UNC45B: variants seen among roughly 807,000 people sequenced by gnomAD.
UNC45B encodes the protein protein unc-45 homolog B.
Under a neutral mutation model 98.7 loss-of-function variants are expected in UNC45B, and 78 were observed. The ratio of observed to expected loss-of-function variants is 0.79; its 90% confidence interval spans 0.66 to 0.95. UNC45B has a LOEUF of 0.95. UNC45B is among the 40% of genes least tolerant of loss of function. The pLI, the probability that UNC45B is intolerant of heterozygous loss-of-function variation, is 0.00. For synonymous variants in UNC45B, 462 were observed against 480.4 expected, an observed-to-expected ratio of 0.96 and a Z score of 0.50; for missense variants, 1,225 against 1,184.9, an observed-to-expected ratio of 1.03 and a Z score of -0.50.
At chr17:35,160,665 T>C (rs1268108186) in intron 8 of UNC45B, among the ~76,000 whole-genome samples, 1 of 152,164 alleles carries the variant, frequency 6.6e-6, no homozygotes, top group Non-Finnish European at 1.5e-5. Flanking sequence ...CTCAAACTCC[T>C]GGATTCAAGT....
intron 8 of UNC45B, among the ~76,000 whole-genome samples, chr17:35,162,307 C>T (rs956341368): frequency 2.0e-5 from 3 of 152,038 alleles, no homozygotes; most frequent in South Asian, 2.1e-4. Flanking sequence ...TGTGCTAACC[C>T]CAAGTGGTTA....
At position 35,150,092 on chromosome 17, in the gene UNC45B, T is replaced by A. The variant is rs759382685; in HGVS notation, c.250T>A (p.Cys84Ser). ...SSDIKALYRR[C>S]QALEHLGKLD... is the part of the protein sequence containing the mutation. Reference sequence around the variant, plus strand: ...GGACATCAAGGCTCTGTATCGGCGATGCCAGGCACTGGAGCACCTGGGGAA... The same window carrying A: ...GGACATCAAGGCTCTGTATCGGCGAAGCCAGGCACTGGAGCACCTGGGGAA... The change falls in exon 4 of 20, where the codon TGC becomes AGC. Residue 84 changes from cysteine to serine, a missense_variant. Transcript: ENST00000394570. 6.2e-7 allele frequency: 1 copy of A among 1,613,182 alleles called. No homozygotes were observed. Among genetic ancestry groups the A allele is most frequent in the East Asian group, 2.2e-5 (1 of 44,782 alleles).
intron 18 of UNC45B, among the ~76,000 whole-genome samples, chr17:35,181,235 T>C (rs2092271561): frequency 6.6e-6 from 1 of 152,250 alleles, no homozygotes; most frequent in African/African-American, 2.4e-5. Context: ...GTAGGCTTCA[T>C]GGTCCAGTCA....
rs760993725 is a variant in UNC45B, at chr17:35,171,348, G to C, written c.1716G>C (p.Ser572=). Residue 572 remains serine (S), a synonymous_variant, in exon 13 of 20, where the codon TCG becomes TCC. Transcript: ENST00000394570. ...AKTSDKTILY[S]VATTLVNCTN... ...CCAGTGACAAGACCATCCTGTACTC[G>C]GTGGCCACCACCCTGGTGAACTGCA... The C allele has an allele frequency of 4.3e-6, 7 of 1,614,098 alleles. No individual in the cohort carries two copies. Among genetic ancestry groups the C allele is most frequent in the Admixed American group, 1.7e-5 (1 of 60,008 alleles).
chr17:35,185,699 C>A (rs991321464), intron 19 of UNC45B, among the ~76,000 whole-genome samples: 1 of 152,074 alleles, frequency 6.6e-6, no homozygotes, highest in African/African-American at 2.4e-5. Context: ...TAAGCTCTTT[C>A]CATGTATCAT....
chr17:35,177,050 G>A lies in UNC45B; in HGVS notation c.2059G>A (p.Val687Met). 1 of 1,614,218 alleles carries A rather than the reference G, an allele frequency of 6.2e-7. No homozygotes were observed. The highest frequency in any genetic ancestry group is 8.5e-7 in the Non-Finnish European group (1 of 1,180,026). ...TCCCCTGGCTTTGGAGGGCACAGAT[G>A]TGGGCAAGGTGAAGGCAGCCCACGC... The part of the protein sequence containing the change: ...LIPLALEGTD[V>M]GKVKAAHALA... The change falls in exon 16 of 20, where the codon GTG (valine) becomes ATG (methionine). Residue 687 changes from valine (V) to methionine (M), a missense_variant. Coordinates refer to ENST00000394570, the MANE Select transcript of UNC45B (RefSeq NM_001267052.2).
At position 35,153,066 on chromosome 17, in the gene UNC45B, G is replaced by C. The variant is rs759139741; in HGVS notation, c.471+84G>C. The stretch of plus-strand genomic sequence containing the variant: ...ATCATTCCGAGGGGGAAGGGGGACC[G>C]GAGGCCTGTCTTTGCAGCCCAGGAA... On this transcript the variant is annotated intron_variant, in intron 5 of 19. Transcript: ENST00000394570. 5.7e-6 allele frequency: 7 copies of C among 1,218,774 alleles called. No individual in the cohort carries two copies. The African/African-American group carries it at 9.0e-5, about 16-fold the overall frequency. The allele number at this position is 1,218,774 out of a possible 1,614,324, so 75.5% of individuals were successfully genotyped here.
rs1458780453 is a variant in UNC45B at position 35,154,590 on chromosome 17, T to C, written c.488T>C (p.Ile163Thr). 1 of 1,612,544 alleles carries C rather than the reference T, an allele frequency of 6.2e-7. No individual in the cohort carries two copies. The highest frequency in any genetic ancestry group is 8.5e-7 in the Non-Finnish European group (1 of 1,179,448). ...DKREKAANNL[I>T]VLGREEAGAE... ...CTCCTTCAGGCTGCCAACAATCTCA[T>C]TGTCCTAGGCCGTGAGGAAGCAGGG... The change falls in exon 6 of 20, where the codon ATT becomes ACT. Residue 163 changes from isoleucine (I) to threonine (T), a missense_variant. Ile to Thr is a moderately conservative substitution (Grantham distance 89). Transcript: ENST00000394570.
chr17:35,179,723 G>A (rs9898427), intron 17 of UNC45B, among the ~76,000 whole-genome samples: 5,344 of 152,088 alleles, frequency 0.035, 337 homozygotes, highest in African/African-American at 0.12. Context: ...GACACAGGGC[G>A]GGGAACATCA....
chr17:35,159,686 G>A, intron 8 of UNC45B, 141 bp downstream of exon 8: 1 of 953,038 alleles, frequency 1.0e-6, no homozygotes, highest in African/African-American at 1.6e-5. Flanking sequence ...TGGCCCATCA[G>A]GATCCACCAG....
At chr17:35,156,052 G>A (rs1049971516) in intron 7 of UNC45B, among the ~76,000 whole-genome samples, 17 of 152,038 alleles carry the variant, frequency 1.1e-4, no homozygotes, top group Admixed American at 6.6e-4. Context: ...ATGCAACAAC[G>A]TCAATGAACA....
chr17:35,174,765 AATG>A (rs539602078), intron 14 of UNC45B, among the ~76,000 whole-genome samples: 45 of 152,104 alleles, frequency 3.0e-4, no homozygotes, highest in African/African-American at 1.0e-3. Context: ...GGCTGCAGTG[AATG>A]ATGATGGTGC....
rs2092306853 is a variant in UNC45B at position 35,186,732 on chromosome 17, CAG to C, written c.*176_*177del. On this transcript the variant is annotated 3_prime_UTR_variant, in exon 20 of 20. Transcript: ENST00000394570. ...TTGTGAGTCTTCTCCTTTGTCCTGA[CAG>C]AGTTTGGATGTTTCACTCTCTCTCT... 2 of 692,504 alleles carry C rather than the reference CAG, an allele frequency of 2.9e-6. No individual in the cohort carries two copies. The highest frequency in any genetic ancestry group is 1.8e-5 in the African/African-American group (1 of 55,560). The allele number at this position is 692,504 out of a possible 1,614,324, so 42.9% of individuals were successfully genotyped here. A position where few individuals can be genotyped will look rare whatever the true frequency, so the allele number is the denominator to read the frequency against.
At chr17:35,165,031 C>T (rs984838655) in intron 9 of UNC45B, among the ~76,000 whole-genome samples, 2 of 152,104 alleles carry the variant, frequency 1.3e-5, no homozygotes, top group Non-Finnish European at 2.9e-5. Flanking sequence ...TGCACTACCA[C>T]GCCTGGCTAA....
chr17:35,153,844 C>T (rs983289086), intron 5 of UNC45B, among the ~76,000 whole-genome samples: 6 of 152,144 alleles, frequency 3.9e-5, no homozygotes, highest in Non-Finnish European at 7.3e-5. Context: ...CCTCCCCTTC[C>T]CCTTCTTCCA....
In UNC45B at chr17:35,152,930, A is replaced by G; in HGVS notation, c.419A>G (p.Lys140Arg). 11 of 1,614,134 alleles carry G rather than the reference A, an allele frequency of 6.8e-6. No homozygotes were observed. The highest frequency in any genetic ancestry group is 9.3e-6 in the Non-Finnish European group (11 of 1,180,016). ...TTCTCCACAGACTCGAGGGTACAGAAGATGTTTGAGATCCTCTTGGATGAA... is the reference window on the plus strand; with the variant it reads ...TTCTCCACAGACTCGAGGGTACAGAGGATGTTTGAGATCCTCTTGGATGAA... ...VQFSTDSRVQKMFEILLDENS... is the reference protein window; with the variant it reads ...VQFSTDSRVQRMFEILLDENS... The change falls in exon 5 of 20, where the codon AAG becomes AGG. Residue 140 changes from lysine to arginine, a missense_variant. Transcript: ENST00000394570.
In UNC45B at chr17:35,171,540, G is replaced by A. The variant is rs148159986; in HGVS notation, c.1830+78G>A. On this transcript the variant is annotated intron_variant, in intron 13 of 19. Transcript: ENST00000394570. ...AAGGAGGCGGAACGGCAAAAGGAGTGGTGTCAGGAGTGGCACGGTGTGTGT... is the reference window on the plus strand; with the variant it reads ...AAGGAGGCGGAACGGCAAAAGGAGTAGTGTCAGGAGTGGCACGGTGTGTGT... The A allele has an allele frequency of 1.2e-3, 1,889 of 1,548,634 alleles. 3 individuals carry two copies. The highest frequency in any genetic ancestry group is 1.5e-3 in the Non-Finnish European group (1,746 of 1,143,132).
chr17:35,166,086 T>TAAAAAA (rs55844448), intron 9 of UNC45B, among the ~76,000 whole-genome samples: 11,085 of 57,942 alleles, frequency 0.19, 981 homozygotes, highest in Admixed American at 0.26. Flanking sequence ...CCCTCATCTC[T>TAAAAAA]AAAAAAAAAA....
At chr17:35,156,470 A>C (rs960411539) in intron 7 of UNC45B, among the ~76,000 whole-genome samples, 1 of 152,168 alleles carries the variant, frequency 6.6e-6, no homozygotes, top group African/African-American at 2.4e-5. Context: ...TATTAAAAAT[A>C]CAAAAAGTAG....
Sources: allele counts gnomAD v4.1 joint callset (sites outside exome capture counted in the v4.1 genomes callset), GRCh38; gene constraint gnomAD v4.1.1; transcripts MANE v1.5; gene names NCBI Gene and HGNC (gene_info 2026-07-23, HGNC 2026-07-21).